The following ATR variants were observed in gnomAD, a reference collection of about 807,000 sequenced individuals.
The protein encoded by ATR is ATR checkpoint kinase.
In ATR, 142 loss-of-function variants were observed where a neutral mutation model predicts 305.3. That is an observed-to-expected ratio of 0.47 (90% CI 0.41 to 0.53). ATR has a LOEUF of 0.53. Among genes scored for constraint, ATR ranks in the 20% least tolerant of loss-of-function variants. ATR has a pLI of 0.00. For missense variants in ATR, 2,135 were observed against 3,133.1 expected (o/e 0.68, Z 7.60); for synonymous variants, 1,050 against 1,068.1 (o/e 0.98, Z 0.33).
chr3:142,574,572 A>T (rs2035378721), intron 1 of ATR, among the ~76,000 whole-genome samples: 1 of 152,190 alleles, frequency 6.6e-6, no homozygotes, highest in Non-Finnish European at 1.5e-5. Context: ...TCAAAAGCAT[A>T]CTATAAAATT....
rs748364629 is a variant in ATR, at chr3:142,489,204, T to C, written c.6079-3922A>G. 1.9e-3 allele frequency among the ~76,000 whole-genome samples: 293 copies of C among 152,014 alleles called. 3 individuals are homozygous for C. Among genetic ancestry groups the C allele is most frequent in the Non-Finnish European group, 2.8e-3 (193 of 67,978 alleles). ...AAAAAATTAGCTGGGTGTGGTGGCA[T>C]GTGCCTGTAGTCCCAGCTACTTGAG... On this transcript the variant is annotated intron_variant, in intron 35 of 46. Coordinates refer to ENST00000350721, the MANE Select transcript of ATR (RefSeq NM_001184.4).
intron 32 of ATR, among the ~76,000 whole-genome samples, chr3:142,498,061 T>TA (rs1374479950): frequency 1.3e-5 from 2 of 152,088 alleles, no homozygotes; most frequent in African/African-American, 2.4e-5. Flanking sequence ...TCTTCTAACT[T>TA]AAAAAAACAG....
At position 142,519,743 on chromosome 3, in the gene ATR, G is replaced by C. The variant is rs539337477; in HGVS notation, c.4308C>G (p.Asn1436Lys). 1 of 1,614,016 alleles carries C rather than the reference G, an allele frequency of 6.2e-7. No homozygotes were observed. Among genetic ancestry groups the C allele is most frequent in the East Asian group, 2.2e-5 (1 of 44,884 alleles). The stretch of plus-strand genomic sequence containing the variant: ...TCCTCCACAATTGGTGACCTGGGCC[G>C]TTGGTCTCCATCTCTCTACAGTCAT... ...SIYDCREMET[N>K]GPGHQLWRRF... Residue 1436 changes from asparagine to lysine, a missense_variant, in exon 24 of 47, where the codon AAC (asparagine) becomes AAG (lysine). Asn to Lys is a moderately conservative substitution (Grantham distance 94). Coordinates refer to ENST00000350721, the MANE Select transcript of ATR (RefSeq NM_001184.4).
intron 34 of ATR, among the ~76,000 whole-genome samples, chr3:142,494,654 G>A (rs552434934): frequency 1.3e-5 from 2 of 152,312 alleles, no homozygotes; most frequent in South Asian, 4.1e-4. Context: ...TGGAAGAAAA[G>A]CACATAGTCT....
chr3:142,516,984 A>ATATATATATATATATATAT (rs2032892222), intron 24 of ATR, among the ~76,000 whole-genome samples: 11 of 139,128 alleles, frequency 7.9e-5, no homozygotes, highest in African/African-American at 3.0e-4. Flanking sequence ...ATACCCAAAT[A>ATATATATATATATATATAT]ATATATATAT....
chr3:142,530,107 C>T (rs2033579668), intron 21 of ATR, among the ~76,000 whole-genome samples: 1 of 151,932 alleles, frequency 6.6e-6, no homozygotes. Context: ...CTCCTTTTTA[C>T]TCCTTTATCT....
chr3:142,548,074 T>C (rs1022483724), intron 15 of ATR, among the ~76,000 whole-genome samples, 164 bp from the exon 16 acceptor site: 2 of 152,220 alleles, frequency 1.3e-5, no homozygotes, highest in African/African-American at 4.8e-5. Context: ...CTAATCTTAT[T>C]CTATCCTGGT....
intron 4 of ATR, 27 bp downstream of exon 4, chr3:142,562,205 T>G (rs756549922): frequency 5.6e-6 from 9 of 1,612,506 alleles, no homozygotes; most frequent in Non-Finnish European, 7.6e-6. Context: ...AATACATACT[T>G]AACTAGTAAC....
At chr3:142,572,351 G>A (rs892758508) in intron 1 of ATR, among the ~76,000 whole-genome samples, 1 of 140,900 alleles carries the variant, frequency 7.1e-6, no homozygotes, top group African/African-American at 2.6e-5. Flanking sequence ...TTATCGGCGT[G>A]AGCCACCACG....
chr3:142,545,637 G>A (rs2034241012), intron 16 of ATR, among the ~76,000 whole-genome samples: 1 of 152,148 alleles, frequency 6.6e-6, no homozygotes, highest in Non-Finnish European at 1.5e-5. Flanking sequence ...TAATTGTAGA[G>A]AGGGAAGAAT....
intron 7 of ATR, 73 bp downstream of exon 7, chr3:142,559,178 G>A (rs2108478873): frequency 6.6e-7 from 1 of 1,505,968 alleles, no homozygotes; most frequent in Non-Finnish European, 9.2e-7. Context: ...TAGGCTTCAG[G>A]CAAAAAAGAA....
intron 9 of ATR, 64 bp downstream of exon 9, chr3:142,556,319 A>G: frequency 6.4e-7 from 1 of 1,552,016 alleles, no homozygotes; most frequent in Non-Finnish European, 8.9e-7. Flanking sequence ...CCCTGCATAC[A>G]TAGCCAGACA....
chr3:142,492,866 T>C (rs887267957), intron 35 of ATR, among the ~76,000 whole-genome samples: 2 of 152,144 alleles, frequency 1.3e-5, no homozygotes, highest in African/African-American at 4.8e-5. Flanking sequence ...CAGGCTAGGA[T>C]GTAGTTAACT....
rs145651691 is a variant in ATR at position 142,511,201 on chromosome 3, TAC to T, written c.4852+1057_4852+1058del. Reference sequence around the variant, plus strand: ...AATGACAAAGAACAGAGTACACACATACACACACACACACACACAAAAACTGA... The same window carrying T: ...AATGACAAAGAACAGAGTACACACATACACACACACACACACAAAAACTGA... On this transcript the variant is annotated intron_variant, in intron 27 of 46. Transcript: ENST00000350721. Among the ~76,000 whole-genome samples the T allele has an allele frequency of 5.8e-4, 87 of 149,980 alleles. 1 individual carries two copies. Among genetic ancestry groups the T allele is most frequent in the Middle Eastern group, 3.4e-3 (1 of 290 alleles).
At chr3:142,496,878 T>C (rs942173393) in intron 33 of ATR, 135 bp downstream of exon 33, 2 of 1,004,780 alleles carry the variant, frequency 2.0e-6, no homozygotes, top group East Asian at 2.4e-5. Context: ...TTCAACCAGA[T>C]AGTGTAGCCC....
chr3:142,465,479 C>A, intron 40 of ATR: 1 of 273,020 alleles, frequency 3.7e-6, no homozygotes, highest in Non-Finnish European at 6.8e-6. Context: ...AAGATTACTT[C>A]ATCGCCAATA....
In ATR at chr3:142,512,251, A is replaced by G. The variant is rs761379576; in HGVS notation, c.4852+9T>C. The G allele has an allele frequency of 7.2e-6, 11 of 1,537,180 alleles. No homozygotes were observed. The highest frequency in any genetic ancestry group is 9.9e-6 in the Non-Finnish European group (11 of 1,115,764). Reference sequence around the variant, plus strand: ...AAAAAAAAAAAAAGAAACAGAAGTGATAACTCACCCATTGAGTCTACCTTA... The same window carrying G: ...AAAAAAAAAAAAAGAAACAGAAGTGGTAACTCACCCATTGAGTCTACCTTA... On this transcript the variant is annotated intron_variant, in intron 27 of 46. Coordinates refer to ENST00000350721, the MANE Select transcript of ATR (RefSeq NM_001184.4).
intron 27 of ATR, 98 bp from the exon 28 acceptor site, chr3:142,508,207 TTAATC>T: frequency 1.0e-6 from 1 of 982,712 alleles, no homozygotes; most frequent in Non-Finnish European, 1.5e-6. Context: ...ACTAAACAAA[TTAATC>T]TGAATATATT....
Position 142,497,165 on chromosome 3 carries a change from A to G in ATR, c.5586T>C (p.His1862=). 6.2e-7 allele frequency: 1 copy of G among 1,614,072 alleles called. No individual in the cohort carries two copies. The highest frequency in any genetic ancestry group is 1.6e-4 in the Middle Eastern group (1 of 6,062). ...AATGCTGGAAAAGTGGTTTGATGCTATGCTCCAACTCACATAACATGTGCA... is the reference window on the plus strand; with the variant it reads ...AATGCTGGAAAAGTGGTTTGATGCTGTGCTCCAACTCACATAACATGTGCA... ...VRLHMLCELE[H]SIKPLFQHSP... Residue 1862 remains histidine, a synonymous_variant, in exon 33 of 47, where the codon CAT becomes CAC. Transcript: ENST00000350721.
Sources: gnomAD v4.1 joint callset for allele counts (sites outside exome capture counted in the v4.1 genomes callset) on GRCh38, gnomAD v4.1.1 for gene constraint, MANE v1.5 for transcripts, NCBI Gene and HGNC (gene_info 2026-07-23, HGNC 2026-07-21) for gene names.